ITPR1: variants seen among roughly 807,000 people sequenced by gnomAD.
The protein encoded by ITPR1 is inositol 1,4,5-trisphosphate-gated calcium channel ITPR1.
Under a neutral mutation model 318.4 loss-of-function variants are expected in ITPR1, and 96 were observed. The observed-to-expected ratio is 0.30, with a 90% CI of 0.26 to 0.36. The LOEUF (loss-of-function observed/expected upper bound fraction) is 0.36, where lower values mean the gene tolerates loss of function less well. Ranked by LOEUF, ITPR1 falls within the 10% of genes least tolerant of loss-of-function variation. The pLI is 1.00. For synonymous variants in ITPR1, 1,312 were observed against 1,289.9 expected (o/e 1.02, Z -0.37); for missense variants, 2,440 against 3,460.2 (o/e 0.71, Z 7.40).
At chr3:4,635,891 C>CT (rs879690224) in intron 5 of ITPR1, among the ~76,000 whole-genome samples, 418 of 145,564 alleles carry the variant, frequency 2.9e-3, no homozygotes, top group African/African-American at 8.1e-3. Context: ...TGTTTGCTTG[C>CT]TTTTTTTTTT....
rs1225658922 is a variant in ITPR1, at chr3:4,717,126, C to T, written c.5104-241C>T. The stretch of plus-strand genomic sequence containing the variant: ...TCTGCACATGTGGTTAAGTGACCTG[C>T]GAGGTCTGATGCCTGATATGTGAAT... On this transcript the variant is annotated intron_variant, in intron 39 of 61. Coordinates refer to ENST00000649015, the MANE Select transcript of ITPR1 (RefSeq NM_001378452.1). Among the ~76,000 whole-genome samples the T allele has an allele frequency of 4.6e-5, 7 of 152,174 alleles. No individual in the cohort carries two copies. The South Asian group carries it at 1.2e-3, about 27-fold the overall frequency.
At chr3:4,774,703 C>G (rs2046380878) in intron 46 of ITPR1, among the ~76,000 whole-genome samples, 2 of 152,236 alleles carry the variant, frequency 1.3e-5, no homozygotes, top group African/African-American at 4.8e-5. Flanking sequence ...TACTCACTGT[C>G]ACTCCTTCCT....
At chr3:4,782,108 C>T (rs561579920) in intron 49 of ITPR1, among the ~76,000 whole-genome samples, 434 of 152,290 alleles carry the variant, frequency 2.8e-3, no homozygotes, top group Non-Finnish European at 3.8e-3. Flanking sequence ...AATACTAGTT[C>T]GTGCTGTTAT....
intron 39 of ITPR1, among the ~76,000 whole-genome samples, chr3:4,715,558 C>G (rs2041705433): frequency 6.6e-6 from 1 of 152,158 alleles, no homozygotes; most frequent in South Asian, 2.1e-4. Context: ...AGTGCCTGTT[C>G]AAGAACTATC....
rs910846365 is a variant in ITPR1, at chr3:4,643,390, A to G, written c.526-746A>G. ...TTTTCAGCACATCCTTTGGTTTCCT[A>G]TCCTTTAAACGAATCTGTGTGTGGC... On this transcript the variant is annotated intron_variant, in intron 7 of 61. Coordinates refer to ENST00000649015, the MANE Select transcript of ITPR1 (RefSeq NM_001378452.1). Among the ~76,000 whole-genome samples the G allele has an allele frequency of 7.9e-5, 12 of 152,264 alleles. No individual in the cohort carries two copies. In the South Asian group the frequency reaches 1.0e-3, roughly 13 times the overall value.
At chr3:4,507,536 C>T (rs2081482912) in intron 2 of ITPR1, among the ~76,000 whole-genome samples, 1 of 152,158 alleles carries the variant, frequency 6.6e-6, no homozygotes, top group Non-Finnish European at 1.5e-5. Context: ...TAAAGTTCCT[C>T]CTGAAATGCA....
intron 60 of ITPR1, among the ~76,000 whole-genome samples, chr3:4,835,057 A>C (rs983443825): frequency 6.6e-6 from 1 of 152,184 alleles, no homozygotes; most frequent in African/African-American, 2.4e-5. Context: ...TGCTCTAGTC[A>C]GTATACTAAG....
At chr3:4,750,857 A>G (rs899633879) in intron 44 of ITPR1, 18 of 151,862 alleles carry the variant, frequency 1.2e-4, no homozygotes, top group African/African-American at 3.9e-4. Flanking sequence ...CAGCTCCCCC[A>G]TTGTGTAGCC....
rs143939940 is a variant in ITPR1 at position 4,706,816 on chromosome 3, G to A, written c.4842+465G>A. ...CCAGCTAGATTATTTACCTTTTTTCGTAGAATCTACCAAGACATCTGCTCT... is the reference window on the plus strand; with the variant it reads ...CCAGCTAGATTATTTACCTTTTTTCATAGAATCTACCAAGACATCTGCTCT... On this transcript the variant is annotated intron_variant, in intron 37 of 61. Coordinates refer to ENST00000649015, the MANE Select transcript of ITPR1 (RefSeq NM_001378452.1). Among the ~76,000 whole-genome samples, 506 of 152,162 alleles carry A rather than the reference G, an allele frequency of 3.3e-3. 3 individuals are homozygous for A. Among genetic ancestry groups the A allele is most frequent in the African/African-American group, 0.011 (477 of 41,540 alleles).
At chr3:4,612,538 A>G (rs1291510209) in intron 4 of ITPR1, among the ~76,000 whole-genome samples, 1 of 150,876 alleles carries the variant, frequency 6.6e-6, no homozygotes, top group Non-Finnish European at 1.5e-5. Flanking sequence ...CCCCCTGATC[A>G]TTTTGAAGTA....
At chr3:4,605,806 G>A (rs1041746950) in intron 4 of ITPR1, among the ~76,000 whole-genome samples, 11 of 152,282 alleles carry the variant, frequency 7.2e-5, no homozygotes, top group African/African-American at 2.6e-4. Context: ...TGTGAAGCTG[G>A]CGTGATTCCA....
At chr3:4,559,562 A>G (rs1036148790) in intron 4 of ITPR1, among the ~76,000 whole-genome samples, 1 of 152,176 alleles carries the variant, frequency 6.6e-6, no homozygotes, top group Non-Finnish European at 1.5e-5. Flanking sequence ...CAAGATGAGT[A>G]AAAATGATTA....
At chr3:4,795,219 T>C (rs903543375) in intron 53 of ITPR1, 32 bp downstream of exon 53, 12 of 1,604,582 alleles carry the variant, frequency 7.5e-6, no homozygotes, top group Non-Finnish European at 1.0e-5. Flanking sequence ...AAAATCCTAT[T>C]AGAAGCAGCA....
At chr3:4,760,488 T>C (rs2045359643) in intron 44 of ITPR1, among the ~76,000 whole-genome samples, 1 of 152,240 alleles carries the variant, frequency 6.6e-6, no homozygotes. Context: ...AGACTTTGAT[T>C]CGATATGACA....
chr3:4,543,204 G>A lies in ITPR1; in HGVS notation c.163+22110G>A, dbSNP rs182030609. On this transcript the variant is annotated intron_variant, in intron 4 of 61. Coordinates refer to ENST00000649015, the MANE Select transcript of ITPR1 (RefSeq NM_001378452.1). ...AGGATTGCTTGACCCCAAGGCTGCA[G>A]TGAGCTGTGATTGTGTCACTGCACT... Among the ~76,000 whole-genome samples the A allele has an allele frequency of 2.0e-5, 3 of 151,924 alleles. No individual in the cohort carries two copies. The East Asian group carries it at 5.8e-4, about 29-fold the overall frequency.
In ITPR1 at chr3:4,554,012, G is replaced by A. The variant is rs1037045424; in HGVS notation, c.163+32918G>A. On this transcript the variant is annotated intron_variant, in intron 4 of 61. Transcript: ENST00000649015. The stretch of plus-strand genomic sequence containing the variant: ...CCCTCCTTGGCATCCCAAAGTGCTC[G>A]GATTACAGGTGTGAGCCACCGCGCC... Among the ~76,000 whole-genome samples the A allele has an allele frequency of 3.3e-5, 5 of 152,160 alleles. No homozygotes were observed. The South Asian group carries it at 6.2e-4, about 19-fold the overall frequency.
chr3:4,683,431 C>G lies in ITPR1; in HGVS notation c.3207C>G (p.Thr1069=). Residue 1069 remains threonine (T), a synonymous_variant, in exon 27 of 62, where the codon ACC becomes ACG. Coordinates refer to ENST00000649015, the MANE Select transcript of ITPR1 (RefSeq NM_001378452.1). The part of the protein sequence containing the change: ...PLDLDDHGGR[T]FLRVLLHLTM... Reference sequence around the variant, plus strand: ...ACTTGGATGACCACGGCGGCAGAACCTTTCTCCGTGTCCTGCTCCACTTGA... The same window carrying G: ...ACTTGGATGACCACGGCGGCAGAACGTTTCTCCGTGTCCTGCTCCACTTGA... The G allele has an allele frequency of 1.9e-6, 3 of 1,614,052 alleles. No individual in the cohort carries two copies. Among genetic ancestry groups the G allele is most frequent in the Non-Finnish European group, 2.5e-6 (3 of 1,179,898 alleles).
At chr3:4,780,782 G>A (rs911559927) in intron 49 of ITPR1, among the ~76,000 whole-genome samples, 2 of 152,156 alleles carry the variant, frequency 1.3e-5, no homozygotes, top group African/African-American at 4.8e-5. Flanking sequence ...CTGGGGAGGC[G>A]AGGTTTGTCA....
chr3:4,614,285 C>T (rs979385825), intron 4 of ITPR1, among the ~76,000 whole-genome samples: 8 of 152,242 alleles, frequency 5.3e-5, no homozygotes, highest in East Asian at 1.9e-4. Flanking sequence ...AAACAAATAA[C>T]GATTGTGAAA....
Sources: allele counts gnomAD v4.1 joint callset (sites outside exome capture counted in the v4.1 genomes callset), GRCh38; gene constraint gnomAD v4.1.1; transcripts MANE v1.5; gene names NCBI Gene and HGNC (gene_info 2026-07-23, HGNC 2026-07-21).